Variants in PCDHA7 observed in about 807,000 individuals in gnomAD.
PCDHA7 encodes the protein protocadherin alpha-7.
In PCDHA7, 37 loss-of-function variants were observed where a neutral mutation model predicts 57.2. The observed-to-expected ratio is 0.65, with a 90% CI of 0.50 to 0.85. The LOEUF (loss-of-function observed/expected upper bound fraction) is 0.85. PCDHA7 is among the 40% of genes least tolerant of loss of function. The pLI, the probability that PCDHA7 is intolerant of heterozygous loss-of-function variation, is 0.00. For synonymous variants in PCDHA7, 553 were observed against 558.8 expected (o/e 0.99, Z 0.15); for missense variants, 1,188 against 1,241.8 (o/e 0.96, Z 0.65).
At chr5:140,931,791 T>A (rs1168945699) in intron 1 of PCDHA7, among the ~76,000 whole-genome samples, 1 of 152,016 alleles carries the variant, frequency 6.6e-6, no homozygotes, top group African/African-American at 2.4e-5. Context: ...CCTATTGATC[T>A]GATCTTAATT....
chr5:140,857,802 T>C, intron 1 of PCDHA7: 1 of 1,596,456 alleles, frequency 6.3e-7, no homozygotes, highest in Non-Finnish European at 8.6e-7. Flanking sequence ...CGGTCGGTGG[T>C]TGCGGGTCAC....
At chr5:140,870,618 C>A in intron 1 of PCDHA7, 1 of 1,613,174 alleles carries the variant, frequency 6.2e-7, no homozygotes, top group Non-Finnish European at 8.5e-7. Context: ...CGCTGTCGAG[C>A]TACGTGTCGG....
chr5:140,853,640 A>G, intron 1 of PCDHA7: 1 of 988,756 alleles, frequency 1.0e-6, no homozygotes, highest in Non-Finnish European at 1.2e-6. Context: ...CACAGACCTA[A>G]ATTGAGCCTG....
rs1026092245 is a variant in PCDHA7 at position 140,987,228 on chromosome 5, T to A, written c.2503+4665T>A. On this transcript the variant is annotated intron_variant, in intron 3 of 3. Transcript: ENST00000525929. The stretch of plus-strand genomic sequence containing the variant: ...GACTCCATCTCAAAAAAAAAAAAAA[T>A]AATAAATAAAGAAAGAAAGACATTC... Among the ~76,000 whole-genome samples, 392 of 149,148 alleles carry A rather than the reference T, an allele frequency of 2.6e-3. 1 individual carries two copies. Among genetic ancestry groups the A allele is most frequent in the African/African-American group, 8.3e-3 (336 of 40,458 alleles).
Position 140,835,538 on chromosome 5 carries a change from T to A in PCDHA7, c.1155T>A (p.Val385=). The A allele has an allele frequency of 6.2e-7, 1 of 1,613,946 alleles. No individual in the cohort carries two copies. Among genetic ancestry groups the A allele is most frequent in the African/African-American group, 1.3e-5 (1 of 75,056 alleles). Residue 385 remains valine (V), a synonymous_variant, in exon 1 of 4, where the codon GTT becomes GTA. Coordinates refer to ENST00000525929, the MANE Select transcript of PCDHA7 (RefSeq NM_018910.3). The part of the protein sequence containing the change: ...FDRDFGVNGQ[V]TCSLTPRVPF... ...GAGATTTTGGAGTCAACGGACAGGT[T>A]ACCTGCTCCCTGACGCCCCGCGTTC...
intron 1 of PCDHA7, among the ~76,000 whole-genome samples, chr5:140,969,673 G>A (rs1226601717): frequency 3.3e-5 from 5 of 152,170 alleles, no homozygotes; most frequent in African/African-American, 9.7e-5. Flanking sequence ...AATGTTATGA[G>A]ACTCAAGGAG....
intron 1 of PCDHA7, chr5:140,875,562 G>A (rs2055601257): frequency 6.2e-7 from 1 of 1,614,120 alleles, no homozygotes; most frequent in Non-Finnish European, 8.5e-7. Context: ...GGAGCGGCCA[G>A]CTCCACTACT....
At chr5:140,901,311 C>T (rs1242541248) in intron 1 of PCDHA7, among the ~76,000 whole-genome samples, 3 of 152,052 alleles carry the variant, frequency 2.0e-5, no homozygotes, top group Non-Finnish European at 4.4e-5. Context: ...GGAGAGTTTC[C>T]CCAATGTTTT....
At chr5:140,927,925 C>G in intron 1 of PCDHA7, 4 of 1,614,214 alleles carry the variant, frequency 2.5e-6, no homozygotes, top group Non-Finnish European at 8.5e-7. Flanking sequence ...CTTCCTGACT[C>G]TTTCGAACCC....
chr5:140,837,617 C>T (rs1249058339), intron 1 of PCDHA7, among the ~76,000 whole-genome samples: 2 of 146,230 alleles, frequency 1.4e-5, no homozygotes, highest in Non-Finnish European at 3.0e-5. Flanking sequence ...TAATTTGCCC[C>T]TTCCTTCCTT....
intron 1 of PCDHA7, chr5:140,850,121 G>T (rs2150468757): frequency 6.3e-7 from 1 of 1,595,960 alleles, no homozygotes; most frequent in Non-Finnish European, 8.6e-7. Flanking sequence ...ACGCGGGCGT[G>T]CCGCCTCTGG....
At chr5:140,890,217 G>T (rs2153429721) in intron 1 of PCDHA7, among the ~76,000 whole-genome samples, 1 of 152,142 alleles carries the variant, frequency 6.6e-6, no homozygotes, top group South Asian at 2.1e-4. Context: ...TTTTCCCAGA[G>T]ACCTAGTTGT....
At chr5:140,840,775 T>C (rs1318625823) in intron 1 of PCDHA7, among the ~76,000 whole-genome samples, 1 of 152,052 alleles carries the variant, frequency 6.6e-6, no homozygotes, top group Non-Finnish European at 1.5e-5. Flanking sequence ...GTAGAAAAGT[T>C]AGAATTATAT....
In PCDHA7 at chr5:140,929,288, G is replaced by A. The variant is rs386352346; in HGVS notation, c.2356-49661G>A. 3.1e-6 allele frequency: 5 copies of A among 1,597,514 alleles called. No homozygotes were observed. Among genetic ancestry groups the A allele is most frequent in the Non-Finnish European group, 3.4e-6 (4 of 1,168,792 alleles). On this transcript the variant is annotated intron_variant, in intron 1 of 3. Transcript: ENST00000525929. ...TTGCCAATATCCTGTATTCAGATTC[G>A]GAATAGGAAAGGGGATCACGCTAAT... is the stretch of plus-strand genomic sequence containing the variant.
At chr5:140,912,209 G>T (rs1027468350) in intron 1 of PCDHA7, among the ~76,000 whole-genome samples, 8 of 152,158 alleles carry the variant, frequency 5.3e-5, no homozygotes, top group Non-Finnish European at 7.3e-5. Context: ...ATTGAGGGTA[G>T]ATCTGCCTTT....
At chr5:140,928,808 G>A (rs782344407) in intron 1 of PCDHA7, 3 of 1,614,062 alleles carry the variant, frequency 1.9e-6, no homozygotes, top group Non-Finnish European at 2.5e-6. Flanking sequence ...GTAGTGGTTC[G>A]GGACCATGGA....
intron 1 of PCDHA7, among the ~76,000 whole-genome samples, chr5:140,972,609 A>G (rs1344399252): frequency 1.3e-5 from 2 of 151,526 alleles, no homozygotes; most frequent in Non-Finnish European, 2.9e-5. Flanking sequence ...TCTGAACTTG[A>G]TACTGAATGT....
Position 140,883,404 on chromosome 5 carries a change from C to G in PCDHA7, c.2355+46666C>G, listed in dbSNP as rs199942713. On this transcript the variant is annotated intron_variant, in intron 1 of 3. Transcript: ENST00000525929. ...CTAATCAGTGTGTCCGATCGTGACT[C>G]TGGCTCAAATGGACAGGTCACCTGC... 3 of 1,614,104 alleles carry G rather than the reference C, an allele frequency of 1.9e-6. No homozygotes were observed. The African/African-American group carries it at 4.0e-5, about 22-fold the overall frequency.
At chr5:140,844,051 C>T (rs1562419039) in intron 1 of PCDHA7, among the ~76,000 whole-genome samples, 1 of 149,544 alleles carries the variant, frequency 6.7e-6, no homozygotes, top group Non-Finnish European at 1.5e-5. Context: ...AGTATTCCCC[C>T]AAAGCGTTTA....
Sources: allele counts gnomAD v4.1 joint callset (sites outside exome capture counted in the v4.1 genomes callset), GRCh38; gene constraint gnomAD v4.1.1; transcripts MANE v1.5; gene names NCBI Gene and HGNC (gene_info 2026-07-23, HGNC 2026-07-21).